The following DLG2 variants were observed in gnomAD, a reference collection of about 807,000 sequenced individuals.
DLG2 encodes discs large MAGUK scaffold protein 2.
In DLG2, 45 loss-of-function variants were observed where a neutral mutation model predicts 132.5. The ratio of observed to expected loss-of-function variants is 0.34; its 90% CI spans 0.27 to 0.44. The LOEUF (loss-of-function observed/expected upper bound fraction) is 0.44. DLG2 is among the 20% of genes least tolerant of loss of function. The pLI is 1.00. For synonymous variants in DLG2, 424 were observed against 419.6 expected, an observed-to-expected ratio of 1.01 and a Z score of -0.13; for missense variants, 1,045 against 1,196.9, an observed-to-expected ratio of 0.87 and a Z score of 1.87.
chr11:84,006,863 TCCC>T (rs1338447956), intron 11 of DLG2, among the ~76,000 whole-genome samples: 1 of 151,564 alleles, frequency 6.6e-6, no homozygotes, highest in Non-Finnish European at 1.5e-5. Flanking sequence ...TTTTCCTTGT[TCCC>T]CCAACACTGA....
chr11:84,495,754 T>G (rs1292178152), intron 7 of DLG2, among the ~76,000 whole-genome samples: 1 of 152,142 alleles, frequency 6.6e-6, no homozygotes, highest in African/African-American at 2.4e-5. Flanking sequence ...TTATGTGGCC[T>G]CCCTACTATT....
intron 6 of DLG2, among the ~76,000 whole-genome samples, chr11:84,562,211 G>A (rs905210346): frequency 6.6e-6 from 1 of 152,074 alleles, no homozygotes; most frequent in Admixed American, 6.6e-5. Context: ...ACTGATGGCT[G>A]TCATAGACTA....
At chr11:85,555,114 G>A (rs1272660757) in intron 3 of DLG2, among the ~76,000 whole-genome samples, 4 of 151,778 alleles carry the variant, frequency 2.6e-5, no homozygotes, top group Admixed American at 2.6e-4. Flanking sequence ...CAATAACACT[G>A]TCTCAAGTGC....
intron 6 of DLG2, among the ~76,000 whole-genome samples, chr11:84,877,220 G>A (rs1348689013): frequency 6.6e-6 from 1 of 152,052 alleles, no homozygotes; most frequent in Non-Finnish European, 1.5e-5. Context: ...CCAGAGCTGA[G>A]TTCAAGTCCT....
At chr11:84,363,651 G>A (rs61897665) in intron 7 of DLG2, among the ~76,000 whole-genome samples, 5,406 of 151,600 alleles carry the variant, frequency 0.036, 157 homozygotes, top group Middle Eastern at 0.088. Flanking sequence ...TAGGTCTAAC[G>A]TTTAAGTCTT....
intron 24 of DLG2, among the ~76,000 whole-genome samples, chr11:83,471,330 T>G (rs2091994596): frequency 6.6e-6 from 1 of 152,138 alleles, no homozygotes. Flanking sequence ...CTGATGCCTA[T>G]CATAAATCCT....
intron 9 of DLG2, among the ~76,000 whole-genome samples, chr11:84,158,698 C>A (rs148025067): frequency 2.0e-5 from 3 of 152,138 alleles, no homozygotes; most frequent in African/African-American, 7.2e-5. Flanking sequence ...TGTAAATGCA[C>A]GTGGCAAATA....
In DLG2 at chr11:84,987,579, G is replaced by A. The variant is rs570563706; in HGVS notation, c.357+124082C>T. ...CTGGTATAAAAATAGGCACATAGACGAATGGAACAGAATACAGAACTCAAA... is the reference window on the plus strand; with the variant it reads ...CTGGTATAAAAATAGGCACATAGACAAATGGAACAGAATACAGAACTCAAA... On this transcript the variant is annotated intron_variant, in intron 6 of 27. Transcript: ENST00000376104. Among the ~76,000 whole-genome samples the A allele has an allele frequency of 1.7e-3, 266 of 152,152 alleles. 1 individual carries two copies. Among genetic ancestry groups the A allele is most frequent in the Admixed American group, 4.7e-3 (72 of 15,268 alleles).
At chr11:84,737,624 G>A (rs1018326709) in intron 6 of DLG2, among the ~76,000 whole-genome samples, 3 of 151,748 alleles carry the variant, frequency 2.0e-5, no homozygotes, top group African/African-American at 4.8e-5. Flanking sequence ...CAAGAAGATC[G>A]TATAGCTGTA....
chr11:84,126,275 G>T (rs2094168756), intron 9 of DLG2, among the ~76,000 whole-genome samples: 1 of 152,014 alleles, frequency 6.6e-6, no homozygotes, highest in South Asian at 2.1e-4. Flanking sequence ...TGTTAGCGAA[G>T]AACTGAATAA....
chr11:84,206,893 A>T (rs190591165), intron 8 of DLG2, among the ~76,000 whole-genome samples: 90 of 152,156 alleles, frequency 5.9e-4, no homozygotes, highest in African/African-American at 2.0e-3. Flanking sequence ...CAAAAAATTC[A>T]TATAAAATTA....
At chr11:84,908,587 C>T (rs1760824901) in intron 6 of DLG2, among the ~76,000 whole-genome samples, 1 of 151,858 alleles carries the variant, frequency 6.6e-6, no homozygotes, top group Admixed American at 6.6e-5. Context: ...GAAAGTTTCC[C>T]CTGTGAGTAG....
chr11:84,208,123 T>C (rs2096699317), intron 8 of DLG2, among the ~76,000 whole-genome samples: 1 of 152,192 alleles, frequency 6.6e-6, no homozygotes, highest in South Asian at 2.1e-4. Flanking sequence ...ACGTTTCATG[T>C]ATACATTAGT....
In DLG2 at chr11:85,620,264, T is replaced by C. The variant is rs1339525998; in HGVS notation, c.-93+6323A>G. On this transcript the variant is annotated intron_variant, in intron 2 of 27. Transcript: ENST00000376104. ...CAGCAAACTTAATCTGTAAATGTTG[T>C]GTGTTATCTGACTCCTCTACCAACT... Among the ~76,000 whole-genome samples, 5 of 152,206 alleles carry C rather than the reference T, an allele frequency of 3.3e-5. No individual in the cohort carries two copies. The South Asian group carries it at 6.2e-4, about 19-fold the overall frequency.
chr11:85,566,310 C>T (rs920340891), intron 3 of DLG2, among the ~76,000 whole-genome samples: 13 of 151,962 alleles, frequency 8.6e-5, no homozygotes, highest in African/African-American at 3.1e-4. Context: ...TTTAACTTTC[C>T]TTTGAAGCAC....
chr11:85,568,916 T>C (rs1370256422), intron 3 of DLG2, among the ~76,000 whole-genome samples: 1 of 152,218 alleles, frequency 6.6e-6, no homozygotes, highest in African/African-American at 2.4e-5. Flanking sequence ...TTATCACCAC[T>C]CTAATCTTTA....
At chr11:85,328,846 C>T (rs999233723) in intron 3 of DLG2, among the ~76,000 whole-genome samples, 1 of 39,314 alleles carries the variant, frequency 2.5e-5, no homozygotes, top group Non-Finnish European at 6.0e-5. Context: ...TCCCTGTTTG[C>T]AGACAACATG....
At chr11:84,108,461 A>G (rs967331262) in intron 9 of DLG2, among the ~76,000 whole-genome samples, 1 of 152,108 alleles carries the variant, frequency 6.6e-6, no homozygotes, top group African/African-American at 2.4e-5. Context: ...GAAGGAGAGA[A>G]CAGTGAAAAG....
At chr11:84,143,144 A>C (rs2094926972) in intron 9 of DLG2, among the ~76,000 whole-genome samples, 1 of 151,342 alleles carries the variant, frequency 6.6e-6, no homozygotes, top group African/African-American at 2.4e-5. Context: ...GGTGCTGGGA[A>C]TATAAGGCGA....
Sources: allele counts gnomAD v4.1 joint callset (sites outside exome capture counted in the v4.1 genomes callset), GRCh38; gene constraint gnomAD v4.1.1; transcripts MANE v1.5; gene names NCBI Gene and HGNC (gene_info 2026-07-23, HGNC 2026-07-21).